FRMPD2: variants seen among roughly 807,000 people sequenced by gnomAD.
FRMPD2 encodes the protein FERM and PDZ domain-containing protein 2.
Under a neutral mutation model 140.1 loss-of-function variants are expected in FRMPD2, and 96 were observed. That is an observed-to-expected ratio of 0.69 (90% CI 0.58 to 0.81). The LOEUF is 0.81. Among genes scored for constraint, FRMPD2 ranks in the 40% least tolerant of loss-of-function variants. The probability of loss-of-function intolerance (pLI) is 0.00; values close to 1 mark genes in which losing one functional copy is unlikely to be tolerated. For synonymous variants in FRMPD2, 449 were observed against 547.6 expected (o/e 0.82, Z 2.52); for missense variants, 1,240 against 1,447.4 (o/e 0.86, Z 2.32).
chr10:48,184,567 T>A lies in FRMPD2; in HGVS notation c.2583A>T (p.Lys861Asn). Residue 861 changes from lysine to asparagine, a missense_variant and splice_region_variant, in exon 20 of 29, where the codon AAA (lysine) becomes AAT (asparagine). Physicochemically the swap from Lys to Asn is moderately conservative, Grantham distance 94. Around this residue, in one of 6 missense-constraint regions of FRMPD2, gnomAD observed 1,161 missense variants for 1,055.9 expected, o/e 1.10. Transcript: ENST00000374201. The stretch of plus-strand genomic sequence containing the variant: ...TCCCAAGAGTGGGTTAAAACATACC[T>A]TTTGACTGAGAAATAATTAATTCTA... ...DNIELIISQS[K>N]GVGGNNPDEE... 4.4e-6 allele frequency: 7 copies of A among 1,594,468 alleles called. No homozygotes were observed. Among genetic ancestry groups the A allele is most frequent in the Middle Eastern group, 1.7e-4 (1 of 6,036 alleles).
chr10:48,238,162 G>A (rs892345254), intron 7 of FRMPD2, 39 bp from the exon 8 acceptor site: 6 of 1,593,232 alleles, frequency 3.8e-6, no homozygotes, highest in South Asian at 1.1e-5. Flanking sequence ...ACTTAGCAAT[G>A]GCAAGGGCTT....
intron 24 of FRMPD2, among the ~76,000 whole-genome samples, chr10:48,173,600 G>T (rs559792206): frequency 5.9e-5 from 9 of 151,904 alleles, no homozygotes; most frequent in African/African-American, 2.2e-4. Flanking sequence ...CACCCTTCTT[G>T]GTCCACCCCA....
rs371171179 is a variant in FRMPD2, at chr10:48,274,464, G to A, written c.25+79C>T. On this transcript the variant is annotated intron_variant, in intron 1 of 28. Coordinates refer to ENST00000374201, the MANE Select transcript of FRMPD2 (RefSeq NM_001018071.4). ...TGCCCAGCTGTGTTCTTCTTATTCCGGATACCTAGACCCAGTAAGAAGTTT... is the reference window on the plus strand; with the variant it reads ...TGCCCAGCTGTGTTCTTCTTATTCCAGATACCTAGACCCAGTAAGAAGTTT... 4.9e-5 allele frequency: 62 copies of A among 1,256,128 alleles called. No homozygotes were observed. In the East Asian group the frequency reaches 8.8e-4, roughly 18 times the overall value. 77.8% of individuals were successfully genotyped at this position (1,256,128 alleles called of 1,614,324 possible).
At chr10:48,272,704 T>C (rs957779144) in intron 1 of FRMPD2, among the ~76,000 whole-genome samples, 2 of 152,190 alleles carry the variant, frequency 1.3e-5, no homozygotes, top group African/African-American at 4.8e-5. Flanking sequence ...ATGGAGAAAA[T>C]GTTCATGCAG....
intron 20 of FRMPD2, among the ~76,000 whole-genome samples, chr10:48,184,143 C>T (rs1364270304): frequency 1.3e-5 from 2 of 151,404 alleles, no homozygotes; most frequent in Non-Finnish European, 3.0e-5. Context: ...CAGTGCTTGT[C>T]TCCTCCCCAG....
At chr10:48,201,873 T>G (rs1196072132) in intron 14 of FRMPD2, among the ~76,000 whole-genome samples, 1 of 152,148 alleles carries the variant, frequency 6.6e-6, no homozygotes, top group Non-Finnish European at 1.5e-5. Flanking sequence ...GAGTATGAAT[T>G]TATTTTATCT....
intron 16 of FRMPD2, among the ~76,000 whole-genome samples, chr10:48,189,076 G>A (rs1298587554): frequency 1.3e-5 from 2 of 152,108 alleles, no homozygotes; most frequent in Admixed American, 6.5e-5. Flanking sequence ...AGGATGGTAG[G>A]TGTTATATTA....
rs372129693 is a variant in FRMPD2 at position 48,249,226 on chromosome 10, G to A, written c.152-48C>T. On this transcript the variant is annotated intron_variant, in intron 2 of 28. Transcript: ENST00000374201. ...GCTGTAGAGACAGAGCTTCCATCTG[G>A]GGTGCCAGCATGGGACTGTGCCCAG... 6 of 1,592,820 alleles carry A rather than the reference G, an allele frequency of 3.8e-6. No individual in the cohort carries two copies. In the East Asian group the frequency reaches 1.3e-4, roughly 36 times the overall value.
intron 10 of FRMPD2, among the ~76,000 whole-genome samples, chr10:48,230,857 A>G (rs572796108): frequency 6.6e-6 from 1 of 152,224 alleles, no homozygotes; most frequent in Non-Finnish European, 1.5e-5. Flanking sequence ...GTAAAATTCT[A>G]GGAACAAGTC....
intron 18 of FRMPD2, among the ~76,000 whole-genome samples, chr10:48,185,169 T>C (rs1838649867): frequency 6.6e-6 from 1 of 152,216 alleles, no homozygotes; most frequent in Non-Finnish European, 1.5e-5. Flanking sequence ...GAAATGATTT[T>C]TAATCAAGTA....
chr10:48,223,423 A>G (rs1039703752), intron 10 of FRMPD2, among the ~76,000 whole-genome samples, 153 bp from the exon 11 acceptor site: 1 of 152,120 alleles, frequency 6.6e-6, no homozygotes, highest in Non-Finnish European at 1.5e-5. Context: ...GTAGCAAGGA[A>G]CCTTTGTTGG....
At chr10:48,226,567 C>A (rs1338865519) in intron 10 of FRMPD2, among the ~76,000 whole-genome samples, 4 of 152,186 alleles carry the variant, frequency 2.6e-5, no homozygotes, top group Admixed American at 6.5e-5. Context: ...GCCACTTTGA[C>A]CCTTGTGTTA....
At chr10:48,235,109 A>T (rs985260772) in intron 9 of FRMPD2, among the ~76,000 whole-genome samples, 16 of 152,110 alleles carry the variant, frequency 1.1e-4, no homozygotes, top group Admixed American at 9.2e-4. Context: ...CAAGCCCCAT[A>T]CAGGAAGTGT....
chr10:48,208,362 C>T (rs745713322), intron 13 of FRMPD2, among the ~76,000 whole-genome samples: 2 of 152,162 alleles, frequency 1.3e-5, no homozygotes, highest in Non-Finnish European at 2.9e-5. Flanking sequence ...AAGAGAGATA[C>T]GATGCTTTTC....
chr10:48,273,138 G>T (rs1380023502), intron 1 of FRMPD2, among the ~76,000 whole-genome samples: 4 of 151,918 alleles, frequency 2.6e-5, no homozygotes, highest in Admixed American at 2.6e-4. Context: ...ATTTGTTTTT[G>T]CTCACAGTGC....
At chr10:48,186,686 A>G (rs1470797782) in intron 17 of FRMPD2, among the ~76,000 whole-genome samples, 1 of 152,226 alleles carries the variant, frequency 6.6e-6, no homozygotes, top group African/African-American at 2.4e-5. Context: ...TGTCTTTATC[A>G]GCAGCGTGAA....
chr10:48,184,697 C>T lies in FRMPD2; in HGVS notation c.2468-15G>A, dbSNP rs764171217. ...TATCTGCCCTCCTAGAAAAATAAAACATCTCAATAATCCTTCAAGGAAATA... is the reference window on the plus strand; with the variant it reads ...TATCTGCCCTCCTAGAAAAATAAAATATCTCAATAATCCTTCAAGGAAATA... On this transcript the variant is annotated splice_polypyrimidine_tract_variant and intron_variant, in intron 19 of 28. Transcript: ENST00000374201. The T allele has an allele frequency of 2.9e-5, 47 of 1,598,566 alleles. No homozygotes were observed. The highest frequency in any genetic ancestry group is 3.6e-5 in the Non-Finnish European group (42 of 1,167,088).
Position 48,212,096 on chromosome 10 carries a change from T to G in FRMPD2, c.1469A>C (p.Lys490Thr). 6.2e-7 allele frequency: 1 copy of G among 1,613,910 alleles called. No homozygotes were observed. Among genetic ancestry groups the G allele is most frequent in the Non-Finnish European group, 8.5e-7 (1 of 1,179,950 alleles). Residue 490 changes from lysine to threonine, a missense_variant, in exon 13 of 29, where the codon AAG (lysine) becomes ACG (threonine). Transcript: ENST00000374201. ...GNYPKEQVESKPYFHVEDYIP... is the reference protein window; with the variant it reads ...GNYPKEQVESTPYFHVEDYIP... ...GTAATCTTCAACGTGAAAGTATGGC[T>G]TACTCTCCACCTGCTGGAAGTAAGA... is the stretch of plus-strand genomic sequence containing the variant.
At chr10:48,228,547 G>GA (rs1483402504) in intron 10 of FRMPD2, among the ~76,000 whole-genome samples, 2 of 151,994 alleles carry the variant, frequency 1.3e-5, no homozygotes, top group South Asian at 2.1e-4. Context: ...ATTCTACACT[G>GA]AAAAAATGTG....
Sources: allele counts gnomAD v4.1 joint callset (sites outside exome capture counted in the v4.1 genomes callset), GRCh38; gene constraint gnomAD v4.1.1; regional missense constraint gnomAD v4.1.1; transcripts MANE v1.5; gene names NCBI Gene and HGNC (gene_info 2026-07-23, HGNC 2026-07-21).